Variants in SPATA6L observed in about 807,000 individuals in gnomAD.
The protein encoded by SPATA6L is spermatogenesis associated 6 like, also known as spermatogenesis associated 6-like protein.
In SPATA6L, 68 loss-of-function variants were observed where a neutral mutation model predicts 49.2. The ratio of observed to expected loss-of-function variants is 1.38; its 90% confidence interval spans 1.14 to 1.69. The LOEUF is 1.69. Ranked by LOEUF, SPATA6L falls within the 40% of genes most tolerant of loss-of-function variation. The pLI is 0.00. For missense variants in SPATA6L, 668 were observed against 464.3 expected (o/e 1.44, Z -4.03); for synonymous variants, 198 against 165.7 (o/e 1.19, Z -1.50).
chr9:4,639,080 G>C (rs1446800657), intron 3 of SPATA6L, among the ~76,000 whole-genome samples: 1 of 152,106 alleles, frequency 6.6e-6, no homozygotes, highest in Non-Finnish European at 1.5e-5. Context: ...CATTGCACCT[G>C]CCCTTTAAGA....
At chr9:4,619,310 C>T (rs1239454201) in intron 7 of SPATA6L, among the ~76,000 whole-genome samples, 1 of 151,938 alleles carries the variant, frequency 6.6e-6, no homozygotes, top group East Asian at 1.9e-4. Context: ...ATGCCCGCCA[C>T]CATGCCCGGC....
At chr9:4,623,741 A>C (rs1420946048) in intron 6 of SPATA6L, among the ~76,000 whole-genome samples, 1 of 152,248 alleles carries the variant, frequency 6.6e-6, no homozygotes, top group Non-Finnish European at 1.5e-5. Flanking sequence ...TAAGAAATCT[A>C]TCAAGATTTT....
intron 5 of SPATA6L, chr9:4,627,935 T>G: frequency 1.6e-6 from 1 of 640,814 alleles, no homozygotes; most frequent in South Asian, 1.6e-5. Context: ...GCCATTATTT[T>G]TTATGTCTTG....
At chr9:4,637,883 T>A (rs1833123492) in intron 3 of SPATA6L, among the ~76,000 whole-genome samples, 1 of 152,098 alleles carries the variant, frequency 6.6e-6, no homozygotes, top group Admixed American at 6.5e-5. Context: ...TCCACACTGT[T>A]AAAAAAAGGA....
At chr9:4,595,080 T>C (rs1049367825), downstream of SPATA6L, among the ~76,000 whole-genome samples, 4 of 152,180 alleles carry the variant, frequency 2.6e-5, no homozygotes, top group African/African-American at 9.7e-5. Context: ...ATGAAGAATA[T>C]GAATCCACAA....
intron 9 of SPATA6L, among the ~76,000 whole-genome samples, chr9:4,606,733 G>C (rs894269383): frequency 2.8e-5 from 4 of 145,410 alleles, no homozygotes; most frequent in Non-Finnish European, 6.0e-5. Flanking sequence ...AAAAAGCAGA[G>C]CGCCTCTCCT....
At position 4,662,563 on chromosome 9, in the gene SPATA6L, G is replaced by A. The variant is rs1371162768; in HGVS notation, c.40-527C>T. On this transcript the variant is annotated intron_variant, in intron 1 of 11. Coordinates refer to ENST00000682582, the MANE Select transcript of SPATA6L (RefSeq NM_001353486.2). This position sits in a 1 kb window ranked among gnomAD's most constrained non-coding sequence, Gnocchi z 4.9. ...TGCGCCCGGCTCCGTGCATCGGAGAGCCCAGTTCACCGCCGCGGCTCCTTC... is the reference window on the plus strand; with the variant it reads ...TGCGCCCGGCTCCGTGCATCGGAGAACCCAGTTCACCGCCGCGGCTCCTTC... The A allele has an allele frequency of 1.9e-6, 3 of 1,584,828 alleles. No individual in the cohort carries two copies. Among genetic ancestry groups the A allele is most frequent in the Middle Eastern group, 2.2e-4 (1 of 4,546 alleles).
chr9:4,614,117 C>G (rs763598757), intron 9 of SPATA6L, among the ~76,000 whole-genome samples: 15 of 152,140 alleles, frequency 9.9e-5, no homozygotes, highest in Admixed American at 3.9e-4. Context: ...TGTGCCTTTA[C>G]CACAGCCTTC....
Position 4,656,039 on chromosome 9 carries a change from A to G in SPATA6L, c.226+2T>C, listed in dbSNP as rs776994038. ...TTTTGTTTTGTTTTTCAGAGTACCT[A>G]CTTTCCAAAAGGTCTACTACAGCTC... On this transcript the variant is annotated splice_donor_variant, in intron 3 of 11. Coordinates refer to ENST00000682582, the MANE Select transcript of SPATA6L (RefSeq NM_001353486.2). LOFTEE classifies it high-confidence loss of function. 1.9e-6 allele frequency: 3 copies of G among 1,611,156 alleles called. No homozygotes were observed. The highest frequency in any genetic ancestry group is 1.1e-5 in the South Asian group (1 of 90,694).
intron 7 of SPATA6L, among the ~76,000 whole-genome samples, chr9:4,621,613 T>A (rs921633742): frequency 6.6e-6 from 1 of 152,066 alleles, no homozygotes; most frequent in Non-Finnish European, 1.5e-5. Context: ...CTCAGCCTCC[T>A]GAGTAGCTGG....
intron 3 of SPATA6L, among the ~76,000 whole-genome samples, chr9:4,654,982 G>GTAC (rs954297726): frequency 2.4e-4 from 37 of 152,122 alleles, no homozygotes; most frequent in Admixed American, 9.2e-4. Flanking sequence ...TCATTTAAAG[G>GTAC]TACCACTCTC....
intron 2 of SPATA6L, among the ~76,000 whole-genome samples, chr9:4,656,860 T>C (rs1563718434): frequency 6.6e-6 from 1 of 152,194 alleles, no homozygotes; most frequent in Non-Finnish European, 1.5e-5. Flanking sequence ...CTCCAAGCAA[T>C]TGGTTGTGCT....
intron 3 of SPATA6L, among the ~76,000 whole-genome samples, chr9:4,650,497 A>G (rs1054239103): frequency 1.3e-5 from 2 of 152,198 alleles, no homozygotes; most frequent in Non-Finnish European, 2.9e-5. Context: ...GAAAACAGAA[A>G]AGCAACACAG....
At chr9:4,646,365 G>C in intron 3 of SPATA6L, 1 of 543,038 alleles carries the variant, frequency 1.8e-6, no homozygotes, top group Non-Finnish European at 3.1e-6. Flanking sequence ...TAAACTTACA[G>C]ACACATAAAG....
At chr9:4,606,054 G>T (rs188121735) in intron 9 of SPATA6L, among the ~76,000 whole-genome samples, 1 of 152,024 alleles carries the variant, frequency 6.6e-6, no homozygotes, top group East Asian at 1.9e-4. Context: ...GGTGACAGAT[G>T]GCACCTGGAA....
chr9:4,626,311 C>A (rs980088937), intron 5 of SPATA6L: 2 of 1,139,094 alleles, frequency 1.8e-6, no homozygotes, highest in African/African-American at 3.3e-5. Context: ...TGACCAGAGC[C>A]CCCTGTTCAG....
At chr9:4,622,936 A>G (rs1418959306) in intron 6 of SPATA6L, among the ~76,000 whole-genome samples, 1 of 151,984 alleles carries the variant, frequency 6.6e-6, no homozygotes, top group Admixed American at 6.6e-5. Context: ...TGACATTTCT[A>G]CTTTCCACAT....
At chr9:4,661,768 T>A in intron 2 of SPATA6L, 131 bp downstream of exon 2, 2 of 835,816 alleles carry the variant, frequency 2.4e-6, no homozygotes, top group Non-Finnish European at 3.2e-6. Flanking sequence ...GGTTTTGCAT[T>A]GTGCTGAAGT....
intron 3 of SPATA6L, among the ~76,000 whole-genome samples, chr9:4,652,890 A>C (rs1474188199): frequency 6.6e-6 from 1 of 152,038 alleles, no homozygotes; most frequent in East Asian, 1.9e-4. Context: ...ACCTAAATGA[A>C]TGGAAACACA....
Sources: allele counts gnomAD v4.1 joint callset (sites outside exome capture counted in the v4.1 genomes callset), GRCh38; gene constraint gnomAD v4.1.1; non-coding constraint Gnocchi (gnomAD v3.1); transcripts MANE v1.5; gene names NCBI Gene and HGNC (gene_info 2026-07-23, HGNC 2026-07-21).